RAD21: variants seen among roughly 807,000 people sequenced by gnomAD.
RAD21 encodes double-strand-break repair protein rad21 homolog.
In RAD21, 18 loss-of-function variants were observed where a neutral mutation model predicts 71.5. The ratio of observed to expected loss-of-function variants is 0.25; its 90% CI spans 0.17 to 0.37. The LOEUF (loss-of-function observed/expected upper bound fraction) is 0.37. Ranked by LOEUF, RAD21 falls within the 10% of genes least tolerant of loss-of-function variation. The pLI is 1.00. For synonymous variants in RAD21, 248 were observed against 254.0 expected (o/e 0.98, Z 0.22); for missense variants, 493 against 769.1 (o/e 0.64, Z 4.25).
At chr8:116,860,023 T>C (rs1350672603) in intron 4 of RAD21, among the ~76,000 whole-genome samples, 1 of 152,136 alleles carries the variant, frequency 6.6e-6, no homozygotes, top group Admixed American at 6.6e-5. Context: ...TTGGAAGAAA[T>C]TAACATTAAC....
intron 4 of RAD21, among the ~76,000 whole-genome samples, chr8:116,861,338 C>T (rs1812588817): frequency 6.6e-6 from 1 of 151,602 alleles, no homozygotes; most frequent in South Asian, 2.1e-4. Flanking sequence ...TCTGCTATAA[C>T]AGCCATCTCT....
At chr8:116,853,033 A>C (rs1215730465) in intron 9 of RAD21, among the ~76,000 whole-genome samples, 1 of 152,170 alleles carries the variant, frequency 6.6e-6, no homozygotes, top group East Asian at 1.9e-4. Context: ...AATAGCTTTA[A>C]ATTGTGTTTT....
rs561421306 is a variant in RAD21, at chr8:116,852,193, T to C, written c.1322-97A>G. On this transcript the variant is annotated intron_variant, in intron 10 of 13. Transcript: ENST00000297338. ...TTAAACTAGTACACTAAGACATACA[T>C]AATGCTTTCTTTAATGAAGAAGGCC... The C allele has an allele frequency of 3.9e-5, 44 of 1,131,186 alleles. No homozygotes were observed. In the Admixed American group the frequency reaches 9.8e-4, roughly 25 times the overall value. The allele number at this position is 1,131,186 out of a possible 1,614,324, so 70.1% of individuals were successfully genotyped here. A position where few individuals can be genotyped will look rare whatever the true frequency, so the allele number is the denominator to read the frequency against.
At chr8:116,856,579 T>A (rs998043860) in intron 7 of RAD21, 67 bp downstream of exon 7, 1 of 1,476,958 alleles carries the variant, frequency 6.8e-7, no homozygotes, top group Non-Finnish European at 9.1e-7. Flanking sequence ...TTTGTCATCT[T>A]CTATGGTAAG....
At chr8:116,852,332 T>A (rs1318387410) in intron 10 of RAD21, 3 of 638,888 alleles carry the variant, frequency 4.7e-6, no homozygotes, top group Non-Finnish European at 7.6e-6. Flanking sequence ...GACAATTCTT[T>A]AGCAGACTAT....
chr8:116,857,911 T>C (rs1812504144), intron 5 of RAD21, among the ~76,000 whole-genome samples: 1 of 152,172 alleles, frequency 6.6e-6, no homozygotes. Context: ...AGTTCGAGGC[T>C]GTAGTGTGCT....
chr8:116,864,374 T>C (rs1287195537), intron 2 of RAD21, among the ~76,000 whole-genome samples: 1 of 152,166 alleles, frequency 6.6e-6, no homozygotes, highest in African/African-American at 2.4e-5. Context: ...AAGAAAATGT[T>C]GTATTTTAAA....
intron 2 of RAD21, among the ~76,000 whole-genome samples, chr8:116,864,348 A>G (rs1384246012): frequency 6.6e-6 from 1 of 152,142 alleles, no homozygotes; most frequent in Non-Finnish European, 1.5e-5. Context: ...TATGATTAGT[A>G]TATTGTTATT....
intron 4 of RAD21, among the ~76,000 whole-genome samples, chr8:116,860,137 G>A (rs1326256717): frequency 6.6e-6 from 1 of 152,132 alleles, no homozygotes; most frequent in African/African-American, 2.4e-5. Context: ...GCCTGAAGGT[G>A]TAACTAAATT....
rs774227412 is a variant in RAD21 at position 116,846,637 on chromosome 8, A to G, written c.*863T>C. ...TTGACCAGGTGCATAATTTCCCATC[A>G]GTCTGTCCTTGTAGTAGGCAGGGCA... On this transcript the variant is annotated 3_prime_UTR_variant, in exon 14 of 14. Coordinates refer to ENST00000297338, the MANE Select transcript of RAD21 (RefSeq NM_006265.3). The G allele has an allele frequency of 4.4e-6, 1 of 226,704 alleles. No individual in the cohort carries two copies. The highest frequency in any genetic ancestry group is 2.2e-5 in the African/African-American group (1 of 44,956). 14.0% of individuals were successfully genotyped at this position (226,704 alleles called of 1,614,324 possible).
intron 11 of RAD21, 65 bp from the exon 12 acceptor site, chr8:116,850,832 A>G: frequency 8.7e-7 from 1 of 1,153,080 alleles, no homozygotes; most frequent in Non-Finnish European, 1.3e-6. Flanking sequence ...TTTAAATATG[A>G]AAATACACAG....
In RAD21 at chr8:116,846,176, A is replaced by C. The variant is rs1468776696; in HGVS notation, c.*1324T>G. ...TAAAGCTGCAATAGCAATTTTATACAATTACCACTCTGAAGAAACTGAATC... is the reference window on the plus strand; with the variant it reads ...TAAAGCTGCAATAGCAATTTTATACCATTACCACTCTGAAGAAACTGAATC... On this transcript the variant is annotated 3_prime_UTR_variant, in exon 14 of 14. Coordinates refer to ENST00000297338, the MANE Select transcript of RAD21 (RefSeq NM_006265.3). 1.3e-5 allele frequency: 3 copies of C among 231,246 alleles called. No individual in the cohort carries two copies. Among genetic ancestry groups the C allele is most frequent in the South Asian group, 3.6e-4 (2 of 5,512 alleles). 14.3% of individuals were successfully genotyped at this position (231,246 alleles called of 1,614,324 possible). A position where few individuals can be genotyped will look rare whatever the true frequency, so the allele number is the denominator to read the frequency against.
intron 1 of RAD21, among the ~76,000 whole-genome samples, chr8:116,870,660 T>C (rs983903120): frequency 6.6e-6 from 1 of 152,170 alleles, no homozygotes; most frequent in Non-Finnish European, 1.5e-5. Context: ...TTCTGAGAAA[T>C]ATAATCGCTG....
chr8:116,860,603 T>C (rs1254701455), intron 4 of RAD21, among the ~76,000 whole-genome samples: 2 of 152,288 alleles, frequency 1.3e-5, no homozygotes, highest in South Asian at 2.1e-4. Flanking sequence ...TGCAGTATTT[T>C]TAAGATAAGC....
In RAD21 at chr8:116,851,933, G is replaced by A. The variant is rs1198791701; in HGVS notation, c.1470+15C>T. 1 of 1,599,382 alleles carries A rather than the reference G, an allele frequency of 6.3e-7. No homozygotes were observed. Among genetic ancestry groups the A allele is most frequent in the Non-Finnish European group, 8.6e-7 (1 of 1,169,204 alleles). The stretch of plus-strand genomic sequence containing the variant: ...ATACCTTCAAATGACTTAATGGATA[G>A]ATTTGCTTACTTACAGGCATCACAG... On this transcript the variant is annotated intron_variant, in intron 11 of 13. Coordinates refer to ENST00000297338, the MANE Select transcript of RAD21 (RefSeq NM_006265.3).
intron 9 of RAD21, 142 bp downstream of exon 9, chr8:116,854,103 A>G (rs1488885317): frequency 1.4e-5 from 9 of 631,232 alleles, no homozygotes; most frequent in Non-Finnish European, 2.4e-5. Flanking sequence ...TATGCCCAGT[A>G]CACTGTGATT....
chr8:116,858,137 T>C (rs1436411284), intron 5 of RAD21, among the ~76,000 whole-genome samples: 1 of 152,218 alleles, frequency 6.6e-6, no homozygotes, highest in African/African-American at 2.4e-5. Context: ...ATAGGTTCTA[T>C]GATTGCATAT....
chr8:116,849,981 A>G (rs1812315625), intron 12 of RAD21, among the ~76,000 whole-genome samples: 1 of 152,300 alleles, frequency 6.6e-6, no homozygotes, highest in South Asian at 2.1e-4. Flanking sequence ...TAGAGTATCA[A>G]ACAGAAGAAT....
At chr8:116,872,513 T>C (rs1812845874) in intron 1 of RAD21, among the ~76,000 whole-genome samples, 1 of 150,044 alleles carries the variant, frequency 6.7e-6, no homozygotes. Context: ...CCTACCTTTT[T>C]GTACTGTTTG....
Sources: allele counts gnomAD v4.1 joint callset (sites outside exome capture counted in the v4.1 genomes callset), GRCh38; gene constraint gnomAD v4.1.1; transcripts MANE v1.5; gene names NCBI Gene and HGNC (gene_info 2026-07-23, HGNC 2026-07-21).